FBXO11: variants seen among roughly 807,000 people sequenced by gnomAD.
FBXO11 encodes the protein F-box protein 11.
A neutral mutation model predicts 117.0 loss-of-function variants in FBXO11; 13 were observed. The ratio of observed to expected loss-of-function variants is 0.11; its 90% CI spans 0.07 to 0.18. The LOEUF (loss-of-function observed/expected upper bound fraction) is 0.18, where lower values mean the gene tolerates loss of function less well. FBXO11 is among the 10% of genes least tolerant of loss of function. The pLI is 1.00. For synonymous variants in FBXO11, 490 were observed against 380.5 expected (o/e 1.29, Z -3.35); for missense variants, 767 against 1,164.4 (o/e 0.66, Z 4.97).
chr2:47,838,186 G>C (rs1315444799), intron 4 of FBXO11, among the ~76,000 whole-genome samples: 1 of 151,844 alleles, frequency 6.6e-6, no homozygotes, highest in East Asian at 1.9e-4. Context: ...TGAGCTAGGA[G>C]CGTGACACTG....
At chr2:47,824,816 A>G (rs1671630208) in intron 11 of FBXO11, among the ~76,000 whole-genome samples, 1 of 152,214 alleles carries the variant, frequency 6.6e-6, no homozygotes, top group South Asian at 2.1e-4. Flanking sequence ...TATAATGATA[A>G]TGGAAGTTAC....
At position 47,807,827 on chromosome 2, in the gene FBXO11, C is replaced by T. The variant is rs1194040674; in HGVS notation, c.*291G>A. 2.3e-5 allele frequency: 7 copies of T among 299,308 alleles called. No individual in the cohort carries two copies. The highest frequency in any genetic ancestry group is 4.4e-5 in the Non-Finnish European group (7 of 159,348). 18.5% of individuals were successfully genotyped at this position (299,308 alleles called of 1,614,324 possible). A position where few individuals can be genotyped will look rare whatever the true frequency, so the allele number is the denominator to read the frequency against. ...CTGCATTCAATGCTAGTTGTAAAAACACCAGCTTTTCAGAAGTTGGTATCT... is the reference window on the plus strand; with the variant it reads ...CTGCATTCAATGCTAGTTGTAAAAATACCAGCTTTTCAGAAGTTGGTATCT... On this transcript the variant is annotated 3_prime_UTR_variant, in exon 23 of 23. Coordinates refer to ENST00000403359, the MANE Select transcript of FBXO11 (RefSeq NM_001190274.2).
intron 1 of FBXO11, among the ~76,000 whole-genome samples, chr2:47,859,311 T>A (rs991325327): frequency 3.3e-5 from 5 of 152,004 alleles, no homozygotes; most frequent in East Asian, 3.9e-4. Context: ...AAATAAAAAA[T>A]GAAAAAAAAT....
intron 13 of FBXO11, 149 bp downstream of exon 13, chr2:47,822,069 G>C (rs1218490592): frequency 4.8e-6 from 3 of 621,228 alleles, no homozygotes; most frequent in Non-Finnish European, 8.5e-6. Context: ...CTGCACAAGA[G>C]AGTAAGACCT....
At chr2:47,813,151 G>C (rs372604478) in intron 18 of FBXO11, 83 bp downstream of exon 18, 6 of 1,340,458 alleles carry the variant, frequency 4.5e-6, no homozygotes, top group Non-Finnish European at 5.4e-6. Context: ...TTATAACTTA[G>C]TTAGCAATGT....
At chr2:47,837,285 G>C (rs1378042673) in intron 4 of FBXO11, among the ~76,000 whole-genome samples, 1 of 152,170 alleles carries the variant, frequency 6.6e-6, no homozygotes, top group Non-Finnish European at 1.5e-5. Context: ...CCAGCACTTT[G>C]GGAGGCCCAG....
chr2:47,900,611 CGT>C (rs1678061290), intron 1 of FBXO11, among the ~76,000 whole-genome samples: 1 of 60,198 alleles, frequency 1.7e-5, no homozygotes, highest in South Asian at 4.0e-4. Flanking sequence ...CGTATACACA[CGT>C]ATATACACAC....
At chr2:47,876,259 T>A (rs969267662) in intron 1 of FBXO11, among the ~76,000 whole-genome samples, 1 of 152,238 alleles carries the variant, frequency 6.6e-6, no homozygotes, top group South Asian at 2.1e-4. Context: ...TTTCCAACTT[T>A]CTTGTTATTG....
chr2:47,860,806 GAAAATAGGAA>G (rs1674708711), intron 1 of FBXO11, among the ~76,000 whole-genome samples: 1 of 40,954 alleles, frequency 2.4e-5, no homozygotes, highest in African/African-American at 1.3e-4. Flanking sequence ...TGTTCCACTG[GAAAATAGGAA>G]AAAAAAAAAA....
At chr2:47,840,991 G>T (rs1439310722) in intron 1 of FBXO11, among the ~76,000 whole-genome samples, 1 of 152,110 alleles carries the variant, frequency 6.6e-6, no homozygotes, top group African/African-American at 2.4e-5. Flanking sequence ...GAGGTCAGGA[G>T]ATCGAGACCA....
intron 1 of FBXO11, among the ~76,000 whole-genome samples, chr2:47,884,290 C>A (rs1676653562): frequency 6.6e-6 from 1 of 152,132 alleles, no homozygotes; most frequent in Admixed American, 6.6e-5. Context: ...GCTCTGTGTG[C>A]ACATGTGTAC....
chr2:47,808,266 C>A lies in FBXO11; in HGVS notation c.2655-19G>T, dbSNP rs551629368. 6.4e-5 allele frequency: 103 copies of A among 1,612,604 alleles called. 1 individual carries two copies. The South Asian group carries it at 1.1e-3, about 17-fold the overall frequency. On this transcript the variant is annotated intron_variant, in intron 22 of 22. Transcript: ENST00000403359. ...GAAAAACCTAAAGCAAAATGAAACC[C>A]AAATATTAGAAAAGTGAGGGGGAAA... is the stretch of plus-strand genomic sequence containing the variant.
chr2:47,882,566 T>C (rs1304764887), intron 1 of FBXO11, among the ~76,000 whole-genome samples: 3 of 152,222 alleles, frequency 2.0e-5, no homozygotes, highest in African/African-American at 7.2e-5. Flanking sequence ...AAAATCTTTA[T>C]TTCCATTTTT....
chr2:47,881,080 C>G (rs975454638), intron 1 of FBXO11, among the ~76,000 whole-genome samples: 1 of 152,076 alleles, frequency 6.6e-6, no homozygotes, highest in Non-Finnish European at 1.5e-5. Flanking sequence ...TGGTGAAACC[C>G]GTCTCTACTA....
chr2:47,874,420 T>C (rs569564521), intron 1 of FBXO11, among the ~76,000 whole-genome samples: 7 of 152,214 alleles, frequency 4.6e-5, no homozygotes, highest in African/African-American at 7.2e-5. Context: ...ATTTTACAAA[T>C]AATTTACAGA....
rs1670753711 is a variant in FBXO11, at chr2:47,813,375, G to C, written c.2086C>G (p.Leu696Val). ...ATTTCATTGTCTTCTATACAGCCTA[G>C]ACCTATAAATGCAAAAATGTAGGTT... Reference protein sequence around the residue: ...NGGILVYNSGLGCIEDNEIFD... With the variant: ...NGGILVYNSGVGCIEDNEIFD... Residue 696 changes from leucine (L) to valine (V), a missense_variant and splice_region_variant, in exon 18 of 23, where the codon CTA (leucine) becomes GTA (valine). By Grantham distance (32) the Leu-to-Val change is conservative (BLOSUM62 1). Coordinates refer to ENST00000403359, the MANE Select transcript of FBXO11 (RefSeq NM_001190274.2). The C allele has an allele frequency of 6.5e-7, 1 of 1,542,792 alleles. No homozygotes were observed. Among genetic ancestry groups the C allele is most frequent in the Non-Finnish European group, 8.7e-7 (1 of 1,142,914 alleles).
intron 1 of FBXO11, among the ~76,000 whole-genome samples, chr2:47,890,949 T>A (rs189207250): frequency 6.6e-6 from 1 of 152,080 alleles, no homozygotes; most frequent in African/African-American, 2.4e-5. Flanking sequence ...TCCTGAGCAG[T>A]TGGGACCACA....
intron 1 of FBXO11, among the ~76,000 whole-genome samples, chr2:47,860,150 CT>C (rs1239981254): frequency 1.3e-5 from 2 of 152,164 alleles, no homozygotes; most frequent in Admixed American, 6.5e-5. Context: ...CTATGCTATG[CT>C]GCTCAGAAGT....
chr2:47,843,275 G>C (rs1367032416), intron 1 of FBXO11, among the ~76,000 whole-genome samples: 2 of 152,130 alleles, frequency 1.3e-5, no homozygotes. Flanking sequence ...TTTTAGAGTA[G>C]GGTTTAAACA....
Sources: gnomAD v4.1 joint callset for allele counts (sites outside exome capture counted in the v4.1 genomes callset) on GRCh38, gnomAD v4.1.1 for gene constraint, MANE v1.5 for transcripts, NCBI Gene and HGNC (gene_info 2026-07-23, HGNC 2026-07-21) for gene names.